MPHOSPH8: variants seen among roughly 807,000 people sequenced by gnomAD.
MPHOSPH8 encodes the protein M-phase phosphoprotein, mpp.
Under a neutral mutation model 87.3 loss-of-function variants are expected in MPHOSPH8, and 45 were observed. That is an observed-to-expected ratio of 0.52 (90% confidence interval 0.41 to 0.66). The LOEUF is 0.66. Among genes scored for constraint, MPHOSPH8 ranks in the 30% least tolerant of loss-of-function variants. MPHOSPH8 has a pLI of 0.00. For missense variants in MPHOSPH8, 883 were observed against 1,020.2 expected (o/e 0.87, Z 1.83); for synonymous variants, 366 against 376.9 (o/e 0.97, Z 0.33).
intron 11 of MPHOSPH8, among the ~76,000 whole-genome samples, chr13:19,669,594 C>T (rs1268705334): frequency 1.3e-5 from 2 of 151,372 alleles, no homozygotes; most frequent in Admixed American, 1.3e-4. Flanking sequence ...CTGCAACCTC[C>T]GCCTCCTGGG....
intron 4 of MPHOSPH8, among the ~76,000 whole-genome samples, 156 bp downstream of exon 4, chr13:19,648,677 A>C (rs1477390902): frequency 3.3e-5 from 5 of 151,970 alleles, no homozygotes; most frequent in African/African-American, 7.2e-5. Context: ...GATTAGAATT[A>C]CTGAGACTGG....
chr13:19,633,865 C>T lies in MPHOSPH8; in HGVS notation c.117C>T (p.Asp39=). Residue 39 remains aspartate, a synonymous_variant, in exon 1 of 14, where the codon GAC becomes GAT. Transcript: ENST00000361479. ...TTGGAGTAGTGGGCGAAGATAATGA[C>T]GCAGCCGCGAGAGGAGCGGAGGCCT... The part of the protein sequence containing the change: ...EGVGVVGEDN[D]AAARGAEAFG... 6.2e-7 allele frequency: 1 copy of T among 1,611,328 alleles called. No individual in the cohort carries two copies. Among genetic ancestry groups the T allele is most frequent in the Non-Finnish European group, 8.5e-7 (1 of 1,179,098 alleles).
At chr13:19,667,865 G>A (rs111750423) in intron 10 of MPHOSPH8, among the ~76,000 whole-genome samples, 94 of 152,234 alleles carry the variant, frequency 6.2e-4, no homozygotes, top group African/African-American at 2.2e-3. Flanking sequence ...AAACTTGCAT[G>A]TATCAGACAG....
intron 1 of MPHOSPH8, among the ~76,000 whole-genome samples, chr13:19,640,694 G>C (rs1322003982): frequency 6.6e-6 from 1 of 151,928 alleles, no homozygotes; most frequent in Non-Finnish European, 1.5e-5. Context: ...GAAATGGCTA[G>C]GTTTTTTTTA....
At chr13:19,668,255 G>C in intron 10 of MPHOSPH8, 122 bp from the exon 11 acceptor site, 3 of 766,460 alleles carry the variant, frequency 3.9e-6, no homozygotes, top group Non-Finnish European at 6.2e-6. Context: ...GCTGGAAAGC[G>C]GAGGCAGGCA....
intron 9 of MPHOSPH8, among the ~76,000 whole-genome samples, 160 bp from the exon 10 acceptor site, chr13:19,666,265 C>T (rs1459254714): frequency 3.9e-5 from 6 of 152,256 alleles, no homozygotes; most frequent in Non-Finnish European, 8.8e-5. Context: ...TGCTGTGTGA[C>T]TCCTAACGCT....
intron 5 of MPHOSPH8, among the ~76,000 whole-genome samples, chr13:19,652,210 G>A (rs1355147744): frequency 1.3e-5 from 2 of 152,206 alleles, no homozygotes; most frequent in Non-Finnish European, 1.5e-5. Context: ...GGTGATTTCT[G>A]CATTTCCAAC....
In MPHOSPH8 at chr13:19,633,741, C is replaced by A. The variant is rs763052538; in HGVS notation, c.-8C>A. 19 of 1,582,158 alleles carry A rather than the reference C, an allele frequency of 1.2e-5. 1 individual carries two copies. The South Asian group carries it at 2.2e-4, about 18-fold the overall frequency. On this transcript the variant is annotated 5_prime_UTR_variant, in exon 1 of 14. It adds an upstream start codon to the 5' untranslated region. Transcript: ENST00000361479. ...GGGTTTTCCTCGGCGGTTTGCGGAGCTGCTAGGATGGAGCAGGTTGCGGAG... is the reference window on the plus strand; with the variant it reads ...GGGTTTTCCTCGGCGGTTTGCGGAGATGCTAGGATGGAGCAGGTTGCGGAG...
At position 19,633,722 on chromosome 13, in the gene MPHOSPH8, TCCTC is replaced by T. The variant is rs759694496; in HGVS notation, c.-26_-23del. ...CTGGGGTGTTTGTCGCAGCGGGTTT[TCCTC>T]GGCGGTTTGCGGAGCTGCTAGGATG... On this transcript the variant is annotated 5_prime_UTR_variant, in exon 1 of 14. It introduces an in-frame stop codon into an upstream open reading frame of the 5' UTR. Transcript: ENST00000361479. 216 of 1,565,900 alleles carry T rather than the reference TCCTC, an allele frequency of 1.4e-4. No individual in the cohort carries two copies. Among genetic ancestry groups the T allele is most frequent in the Non-Finnish European group, 1.8e-4 (207 of 1,155,440 alleles).
rs45461897 is a variant in MPHOSPH8, at chr13:19,672,235, C to T, written c.*360C>T. ...TCTCGGCTCACTGCAAGCTCTGCCT[C>T]CTGGGTTCAAGTGATTCTCCTGCCT... On this transcript the variant is annotated 3_prime_UTR_variant, in exon 14 of 14. Transcript: ENST00000361479. 0.026 allele frequency: 4,906 copies of T among 192,058 alleles called. 100 individuals are homozygous for T. Among genetic ancestry groups the T allele is most frequent in the Middle Eastern group, 0.037 (16 of 434 alleles). The allele number at this position is 192,058 out of a possible 1,614,324, so 11.9% of individuals were successfully genotyped here.
At position 19,659,106 on chromosome 13, in the gene MPHOSPH8, A is replaced by G; in HGVS notation, c.1688A>G (p.Asp563Gly). ...AAAGATGAGAATTTTGCTGCAACAG[A>G]TGCAATTCCAAGTAGTGAGTAGTTT... is the stretch of plus-strand genomic sequence containing the variant. ...DGKDENFAAT[D>G]AIPSNVLRDA... The change falls in exon 6 of 14, where the codon GAT (aspartate) becomes GGT (glycine). Residue 563 changes from aspartate to glycine, a missense_variant. Asp to Gly is a moderately conservative substitution (Grantham distance 94). Transcript: ENST00000361479. 1 of 1,614,062 alleles carries G rather than the reference A, an allele frequency of 6.2e-7. No individual in the cohort carries two copies. Among genetic ancestry groups the G allele is most frequent in the Non-Finnish European group, 8.5e-7 (1 of 1,180,012 alleles).
intron 1 of MPHOSPH8, 88 bp from the exon 2 acceptor site, chr13:19,642,027 T>C: frequency 8.9e-7 from 1 of 1,117,628 alleles, no homozygotes; most frequent in Non-Finnish European, 1.2e-6. Context: ...AGTTCTTTCA[T>C]GTCTTCTCAT....
chr13:19,670,871 T>C, intron 12 of MPHOSPH8: 1 of 1,104,046 alleles, frequency 9.1e-7, no homozygotes, highest in Non-Finnish European at 1.2e-6. Context: ...CAGGCTGGAG[T>C]GCAGTGGCGC....
chr13:19,642,085 T>G, intron 1 of MPHOSPH8, 30 bp from the exon 2 acceptor site: 1 of 1,394,254 alleles, frequency 7.2e-7, no homozygotes, highest in Non-Finnish European at 9.5e-7. Context: ...GCAATCTGCT[T>G]TATTTGCCTC....
intron 2 of MPHOSPH8, among the ~76,000 whole-genome samples, chr13:19,645,135 C>T (rs557249567): frequency 6.6e-6 from 1 of 152,266 alleles, no homozygotes; most frequent in African/African-American, 2.4e-5. Flanking sequence ...CACCTCTCCC[C>T]TTCTCCGCCT....
rs150234585 is a variant in MPHOSPH8, at chr13:19,636,171, A to G, written c.213+2210A>G. 2.3e-3 allele frequency among the ~76,000 whole-genome samples: 347 copies of G among 152,284 alleles called. 7 individuals carry two copies. The highest frequency in any genetic ancestry group is 0.019 in the Admixed American group (292 of 15,288). On this transcript the variant is annotated intron_variant, in intron 1 of 13. Transcript: ENST00000361479. ...CAAAAGGTGTTAGCGGAACAGGACT[A>G]TTGCAGTTTTCTGTTTTCACTGCTG...
At chr13:19,652,384 C>T (rs1023097991) in intron 5 of MPHOSPH8, among the ~76,000 whole-genome samples, 6 of 152,268 alleles carry the variant, frequency 3.9e-5, no homozygotes, top group African/African-American at 9.6e-5. Flanking sequence ...CCATGAGGAA[C>T]GGTGCACTCT....
rs1352699541 is a variant in MPHOSPH8 at position 19,648,409 on chromosome 13, A to C, written c.1219-13A>C. On this transcript the variant is annotated splice_polypyrimidine_tract_variant and intron_variant, in intron 3 of 13. Coordinates refer to ENST00000361479, the MANE Select transcript of MPHOSPH8 (RefSeq NM_017520.4). ...TTTATCCATTCTTGTTTTGGATATC[A>C]TGTCATTTTCAGGACAAAGAAACCA... is the stretch of plus-strand genomic sequence containing the variant. 1 of 1,511,562 alleles carries C rather than the reference A, an allele frequency of 6.6e-7. No individual in the cohort carries two copies. Among genetic ancestry groups the C allele is most frequent in the Admixed American group, 1.9e-5 (1 of 54,018 alleles). 93.6% of individuals were successfully genotyped at this position (1,511,562 alleles called of 1,614,324 possible). A position where few individuals can be genotyped will look rare whatever the true frequency, so the allele number is the denominator to read the frequency against.
intron 13 of MPHOSPH8, 94 bp downstream of exon 13, chr13:19,671,383 T>C (rs1420803458): frequency 6.1e-6 from 7 of 1,141,988 alleles, no homozygotes; most frequent in Non-Finnish European, 9.0e-6. Flanking sequence ...AGAATCCTGG[T>C]GTACCTGTCC....
Sources: gnomAD v4.1 joint callset for allele counts (sites outside exome capture counted in the v4.1 genomes callset) on GRCh38, gnomAD v4.1.1 for gene constraint, MANE v1.5 for transcripts, NCBI Gene and HGNC (gene_info 2026-07-23, HGNC 2026-07-21) for gene names.